Variants in KIF24 observed in about 807,000 individuals in gnomAD.
The protein encoded by KIF24 is kinesin-like protein KIF24.
Under a neutral mutation model 118.9 loss-of-function variants are expected in KIF24, and 81 were observed. That is an observed-to-expected ratio of 0.68 (90% CI 0.57 to 0.82). KIF24 has a LOEUF of 0.82. Ranked by LOEUF, KIF24 falls within the 40% of genes least tolerant of loss-of-function variation. KIF24 has a pLI of 0.00. For missense variants in KIF24, 1,560 were observed against 1,661.6 expected (o/e 0.94, Z 1.06); for synonymous variants, 599 against 610.0 (o/e 0.98, Z 0.27).
chr9:34,300,077 T>C (rs980003425), intron 3 of KIF24, among the ~76,000 whole-genome samples: 4 of 152,142 alleles, frequency 2.6e-5, no homozygotes, highest in Non-Finnish European at 4.4e-5. Flanking sequence ...GAATCTGTTG[T>C]GTGTACCATT....
intron 1 of KIF24, among the ~76,000 whole-genome samples, chr9:34,322,389 G>A (rs1837553237): frequency 6.6e-6 from 1 of 151,366 alleles, no homozygotes; most frequent in Admixed American, 6.6e-5. Flanking sequence ...TTTTTTTTAA[G>A]AGATGAGGTC....
chr9:34,312,089 G>A (rs896206287), intron 1 of KIF24, among the ~76,000 whole-genome samples: 31 of 152,216 alleles, frequency 2.0e-4, no homozygotes, highest in African/African-American at 7.2e-4. Context: ...TAACTCAAAG[G>A]AAGATAGCAT....
chr9:34,331,628 A>G (rs1365612394), upstream of KIF24, among the ~76,000 whole-genome samples: 1 of 152,208 alleles, frequency 6.6e-6, no homozygotes, highest in Non-Finnish European at 1.5e-5. Context: ...TCTTGCTCTA[A>G]TAGAAAATTT....
intron 6 of KIF24, among the ~76,000 whole-genome samples, chr9:34,279,760 G>A (rs1222145800): frequency 6.6e-6 from 1 of 152,252 alleles, no homozygotes; most frequent in Non-Finnish European, 1.5e-5. Flanking sequence ...ACCTGAGAGT[G>A]AAATGTGACA....
chr9:34,281,543 G>T (rs1191101841), intron 6 of KIF24, among the ~76,000 whole-genome samples: 1 of 152,176 alleles, frequency 6.6e-6, no homozygotes, highest in Non-Finnish European at 1.5e-5. Context: ...ACTAAATGGG[G>T]TAATATTTGC....
intron 3 of KIF24, among the ~76,000 whole-genome samples, chr9:34,297,615 A>C (rs553947196): frequency 6.6e-6 from 1 of 152,232 alleles, no homozygotes; most frequent in South Asian, 2.1e-4. Context: ...ACAAAAATTT[A>C]GCCGGGCATG....
At chr9:34,314,495 C>T (rs1563962803) in intron 1 of KIF24, among the ~76,000 whole-genome samples, 2 of 151,954 alleles carry the variant, frequency 1.3e-5, no homozygotes, top group Non-Finnish European at 2.9e-5. Flanking sequence ...TATATAGATA[C>T]CTGAGCCCCA....
intron 3 of KIF24, among the ~76,000 whole-genome samples, chr9:34,305,127 T>C (rs1372744787): frequency 6.6e-6 from 1 of 152,220 alleles, no homozygotes; most frequent in Non-Finnish European, 1.5e-5. Context: ...TGTTTCCCTA[T>C]GAGACTAAAG....
intron 1 of KIF24, among the ~76,000 whole-genome samples, chr9:34,317,889 G>A (rs2131826397): frequency 6.6e-6 from 1 of 152,316 alleles, no homozygotes; most frequent in East Asian, 1.9e-4. Context: ...ACCTATAATA[G>A]GGGTTGGTAC....
In KIF24 at chr9:34,312,819, T is replaced by G. The variant is rs531906588; in HGVS notation, c.-25-1448A>C. 6.6e-5 allele frequency among the ~76,000 whole-genome samples: 10 copies of G among 152,298 alleles called. 1 individual carries two copies. The highest frequency in any genetic ancestry group is 2.4e-4 in the African/African-American group (10 of 41,560). ...TTCAAGCAATTCTCCTGTCTCAGCC[T>G]CCTGAGTAGCTAGGATTCACAGGTG... On this transcript the variant is annotated intron_variant, in intron 1 of 12. Transcript: ENST00000402558.
Position 34,256,961 on chromosome 9 carries a change from T to C in KIF24, c.2646A>G (p.Thr882=), listed in dbSNP as rs1834872202. ...RQQSLFSSPR[T]GDKKDLTKSW... is the part of the protein sequence containing the mutation. ...TTTTAGTTAGATCTTTCTTGTCACC[T>C]GTCCTGGGGCTAGAAAACAGACTCT... The change falls in exon 11 of 13, where the codon ACA becomes ACG. Residue 882 remains threonine (T), a synonymous_variant. Coordinates refer to ENST00000402558, the MANE Select transcript of KIF24 (RefSeq NM_194313.4). 3.1e-6 allele frequency: 5 copies of C among 1,614,044 alleles called. No homozygotes were observed. Among genetic ancestry groups the C allele is most frequent in the Non-Finnish European group, 4.2e-6 (5 of 1,179,900 alleles).
At position 34,318,292 on chromosome 9, in the gene KIF24, C is replaced by A; in HGVS notation, c.-25-6921G>T. On this transcript the variant is annotated intron_variant, in intron 1 of 12. Coordinates refer to ENST00000402558, the MANE Select transcript of KIF24 (RefSeq NM_194313.4). This position sits in a 1 kb window ranked among gnomAD's most constrained non-coding sequence, Gnocchi z 4.9. ...GCTATAGAAGAGTAGAATCGTGTCG[C>A]GGCTCGAGAGCGAGACTCCCGTCTT... 1.8e-6 allele frequency: 1 copy of A among 556,270 alleles called. No homozygotes were observed. The highest frequency in any genetic ancestry group is 3.0e-5 in the Admixed American group (1 of 33,430). The allele number at this position is 556,270 out of a possible 1,614,324, so 34.5% of individuals were successfully genotyped here.
Position 34,256,151 on chromosome 9 carries a change from C to T in KIF24, c.3456G>A (p.Glu1152=), listed in dbSNP as rs756448351. 2.6e-5 allele frequency: 41 copies of T among 1,606,538 alleles called. No individual in the cohort carries two copies. The highest frequency in any genetic ancestry group is 3.5e-5 in the Non-Finnish European group (41 of 1,174,484). ...GTACAGTCTCTCTGCTCTGGCAGGC[C>T]TCTCCTAGGTCTGCCTCCCTGCTGG... ...KLPSREADLG[E]ACQSRETVLF... The change falls in exon 11 of 13, where the codon GAG becomes GAA. Residue 1152 remains glutamate, a synonymous_variant. Transcript: ENST00000402558.
chr9:34,299,781 A>G (rs557486446), intron 3 of KIF24, among the ~76,000 whole-genome samples: 1 of 150,370 alleles, frequency 6.7e-6, no homozygotes, highest in Admixed American at 6.8e-5. Flanking sequence ...ATTCTTTTAT[A>G]TATATATAGC....
intron 3 of KIF24, among the ~76,000 whole-genome samples, chr9:34,302,775 AT>A (rs745922271): frequency 1.8e-3 from 227 of 125,054 alleles, no homozygotes; most frequent in Admixed American, 2.5e-3. Context: ...CCACCAGCTA[AT>A]TTTTTTTTTT....
upstream of KIF24, among the ~76,000 whole-genome samples, chr9:34,333,644 CAAAAAAAAAAAAAA>C (rs34830977): frequency 1.1e-4 from 5 of 47,102 alleles, no homozygotes; most frequent in Non-Finnish European, 1.4e-4. Flanking sequence ...GAGACATTGT[CAAAAAAAAAAAAAA>C]AAAAAAAAAA....
intron 1 of KIF24, among the ~76,000 whole-genome samples, 149 bp downstream of exon 1, chr9:34,328,957 A>G (rs1393558610): frequency 6.6e-6 from 1 of 152,218 alleles, no homozygotes; most frequent in East Asian, 1.9e-4. Flanking sequence ...GAACTTTAGG[A>G]AGAGCCAAGA....
At chr9:34,282,419 G>A (rs1835878972) in intron 6 of KIF24, 1 of 152,064 alleles carries the variant, frequency 6.6e-6, no homozygotes, top group South Asian at 2.1e-4. Flanking sequence ...TTGGGGTGAT[G>A]AAAGTTTTCT....
Position 34,255,772 on chromosome 9 carries a change from C to A in KIF24, c.3835G>T (p.Ala1279Ser), listed in dbSNP as rs779622201. ...PLVPSCSPKT[A>S]GTLRQPTLEQ... ...AGGGTGGGCTGACGGAGTGTCCCTG[C>A]AGTCTTGGGAGAGCAGCTGGGAACC... Residue 1279 changes from alanine to serine, a missense_variant, in exon 11 of 13, where the codon GCA (alanine) becomes TCA (serine). By Grantham distance (99) the Ala-to-Ser change is moderately conservative (BLOSUM62 1). Coordinates refer to ENST00000402558, the MANE Select transcript of KIF24 (RefSeq NM_194313.4). 2.5e-6 allele frequency: 4 copies of A among 1,613,622 alleles called. No individual in the cohort carries two copies. In the South Asian group the frequency reaches 4.4e-5, roughly 18 times the overall value.
Sources: allele counts gnomAD v4.1 joint callset (sites outside exome capture counted in the v4.1 genomes callset), GRCh38; gene constraint gnomAD v4.1.1; non-coding constraint Gnocchi (gnomAD v3.1); transcripts MANE v1.5; gene names NCBI Gene and HGNC (gene_info 2026-07-23, HGNC 2026-07-21).